The following RUFY3 variants were observed in gnomAD, a reference collection of about 807,000 sequenced individuals.
RUFY3 encodes the protein protein RUFY3.
RUFY3 carries 34 observed loss-of-function variants against 84.0 expected under a neutral mutation model. The observed-to-expected ratio is 0.40, with a 90% CI of 0.31 to 0.54. The LOEUF (loss-of-function observed/expected upper bound fraction) is 0.54. RUFY3 is among the 20% of genes least tolerant of loss of function. The pLI, the probability that RUFY3 is intolerant of heterozygous loss-of-function variation, is 0.39. For synonymous variants in RUFY3, 242 were observed against 252.9 expected, an observed-to-expected ratio of 0.96 and a Z score of 0.41; for missense variants, 507 against 736.8, an observed-to-expected ratio of 0.69 and a Z score of 3.61.
Position 70,762,617 on chromosome 4 carries a change from A to G in RUFY3, c.277A>G (p.Thr93Ala). 1.9e-6 allele frequency: 3 copies of G among 1,613,418 alleles called. No homozygotes were observed. Among genetic ancestry groups the G allele is most frequent in the Non-Finnish European group, 2.5e-6 (3 of 1,179,832 alleles). ...LIESALNLGR[T>A]LDSDYAPLQQ... ...TGAATCAGCTCTGAACCTGGGGAGG[A>G]CTCTTGACTCTGACTATGCACCTCT... Residue 93 changes from threonine (T) to alanine (A), a missense_variant, in exon 2 of 18, where the codon ACT becomes GCT. Transcript: ENST00000381006.
chr4:70,766,241 T>A (rs2148715353), intron 4 of RUFY3, among the ~76,000 whole-genome samples: 1 of 152,264 alleles, frequency 6.6e-6, no homozygotes, highest in Middle Eastern at 3.4e-3. Context: ...CACTGGGTTT[T>A]CGTGTTTTGT....
chr4:70,786,159 A>C (rs1729765129), intron 10 of RUFY3, among the ~76,000 whole-genome samples: 1 of 152,212 alleles, frequency 6.6e-6, no homozygotes, highest in Admixed American at 6.5e-5. Context: ...ACAGAAAGAG[A>C]AATGCCATAT....
chr4:70,781,518 G>A (rs73824893), intron 8 of RUFY3, among the ~76,000 whole-genome samples: 4,096 of 152,268 alleles, frequency 0.027, 80 homozygotes, highest in Middle Eastern at 0.054. Flanking sequence ...CTTCATTATT[G>A]GTAAAGCTGA....
At chr4:70,751,374 C>T (rs1000829797) in intron 1 of RUFY3, among the ~76,000 whole-genome samples, 13 of 152,218 alleles carry the variant, frequency 8.5e-5, no homozygotes, top group African/African-American at 2.2e-4. Context: ...GACCATTTTA[C>T]ACTCCTACAA....
At chr4:70,733,131 A>AGGGG (rs1560463905) in intron 1 of RUFY3, among the ~76,000 whole-genome samples, 1 of 66,204 alleles carries the variant, frequency 1.5e-5, no homozygotes, top group Non-Finnish European at 2.8e-5. Context: ...GGAGGGAGGG[A>AGGGG]GGGAGGGAGA....
chr4:70,801,288 C>T (rs57396986), intron 15 of RUFY3, among the ~76,000 whole-genome samples: 4,074 of 151,960 alleles, frequency 0.027, 78 homozygotes, highest in Middle Eastern at 0.054. Flanking sequence ...GGATACATGT[C>T]ATTATACATT....
chr4:70,731,140 C>G (rs563479282), intron 1 of RUFY3, among the ~76,000 whole-genome samples: 2 of 151,036 alleles, frequency 1.3e-5, no homozygotes, highest in South Asian at 4.2e-4. Flanking sequence ...TGGGTTCAAA[C>G]AATTCTCCTG....
chr4:70,712,146 A>G, intron 1 of RUFY3, among the ~76,000 whole-genome samples: 1 of 152,120 alleles, frequency 6.6e-6, no homozygotes, highest in East Asian at 1.9e-4. Flanking sequence ...AAGGCTCTTC[A>G]TTATATAACA....
intron 1 of RUFY3, among the ~76,000 whole-genome samples, chr4:70,712,366 G>T (rs1371719855): frequency 6.6e-6 from 1 of 152,150 alleles, no homozygotes; most frequent in African/African-American, 2.4e-5. Context: ...CAAAGCGCAT[G>T]TTCTTAATCA....
At chr4:70,766,525 G>A (rs568317122) in intron 4 of RUFY3, among the ~76,000 whole-genome samples, 7 of 152,298 alleles carry the variant, frequency 4.6e-5, no homozygotes, top group East Asian at 1.9e-4. Context: ...GTTTACAGGC[G>A]TGAGCCACCG....
At chr4:70,791,407 A>G in intron 12 of RUFY3, 1 of 1,454,904 alleles carries the variant, frequency 6.9e-7, no homozygotes, top group Non-Finnish European at 9.1e-7. Context: ...AATGTCACCA[A>G]AAAGTTGACT....
At chr4:70,778,187 A>G (rs112699501) in intron 7 of RUFY3, among the ~76,000 whole-genome samples, 182 bp from the exon 8 acceptor site, 6 of 152,162 alleles carry the variant, frequency 3.9e-5, no homozygotes, top group Non-Finnish European at 5.9e-5. Context: ...GGAGCCGAGA[A>G]TCGCACCACT....
At chr4:70,763,179 T>A (rs1346717144) in intron 2 of RUFY3, among the ~76,000 whole-genome samples, 5 of 152,204 alleles carry the variant, frequency 3.3e-5, no homozygotes, top group African/African-American at 7.2e-5. Flanking sequence ...TTGTTTTTTT[T>A]AAATCTGTAT....
chr4:70,731,112 A>C (rs1296108519), intron 1 of RUFY3, among the ~76,000 whole-genome samples: 1 of 149,172 alleles, frequency 6.7e-6, no homozygotes, highest in Non-Finnish European at 1.5e-5. Flanking sequence ...ATTTCGGCTC[A>C]CTGCAACCTC....
At chr4:70,704,642 C>G (rs1212785852), upstream of RUFY3, among the ~76,000 whole-genome samples, 27 of 152,066 alleles carry the variant, frequency 1.8e-4, no homozygotes, top group Admixed American at 1.6e-3. Flanking sequence ...GACGCTGCCC[C>G]CTAGGGGAGC....
chr4:70,800,096 T>G, intron 14 of RUFY3, 45 bp from the exon 15 acceptor site: 1 of 1,550,622 alleles, frequency 6.4e-7, no homozygotes, highest in Non-Finnish European at 8.8e-7. Context: ...TATCATTATT[T>G]AGCATTCTGA....
chr4:70,808,503 TGGAAAGAGTTAACAACAGCCTG>T lies in RUFY3; in HGVS notation c.*1855_*1876del, dbSNP rs1001000984. On this transcript the variant is annotated 3_prime_UTR_variant, in exon 18 of 18. Transcript: ENST00000381006. ...ATGTTTTTTAATAAATTCTGTCTCT[TGGAAAGAGTTAACAACAGCCTG>T]GGAAAGAGTTGTTATTCCAAAAGTC... Among the ~76,000 whole-genome samples, 1 of 151,970 alleles carries T rather than the reference TGGAAAGAGTTAACAACAGCCTG, an allele frequency of 6.6e-6. No homozygotes were observed. Among genetic ancestry groups the T allele is most frequent in the African/African-American group, 2.4e-5 (1 of 41,420 alleles).
At chr4:70,780,445 C>T (rs1728726095) in intron 8 of RUFY3, among the ~76,000 whole-genome samples, 1 of 152,102 alleles carries the variant, frequency 6.6e-6, no homozygotes, top group South Asian at 2.1e-4. Flanking sequence ...AGGCATGCAC[C>T]ATCACAGCTG....
intron 1 of RUFY3, among the ~76,000 whole-genome samples, chr4:70,749,783 G>A (rs544821690): frequency 6.6e-6 from 1 of 151,382 alleles, no homozygotes; most frequent in East Asian, 2.0e-4. Flanking sequence ...CCAAGGAGCT[G>A]GGACTACAGG....
Sources: gnomAD v4.1 joint callset for allele counts (sites outside exome capture counted in the v4.1 genomes callset) on GRCh38, gnomAD v4.1.1 for gene constraint, MANE v1.5 for transcripts, NCBI Gene and HGNC (gene_info 2026-07-23, HGNC 2026-07-21) for gene names.